Variants in IQCH observed in about 807,000 individuals in gnomAD.
IQCH encodes IQ motif containing H, also known as IQ domain-containing protein H.
A neutral mutation model predicts 117.0 loss-of-function variants in IQCH; 98 were observed. The ratio of observed to expected loss-of-function variants is 0.84; its 90% CI spans 0.71 to 0.99. IQCH has a LOEUF of 0.99. Ranked by LOEUF, IQCH falls within the 50% of genes least tolerant of loss-of-function variation. IQCH has a pLI of 0.00. For synonymous variants in IQCH, 412 were observed against 448.2 expected (o/e 0.92, Z 1.02); for missense variants, 1,102 against 1,243.8 (o/e 0.89, Z 1.72).
At position 67,295,378 on chromosome 15, in the gene IQCH, G is replaced by A. The variant is rs187780492; in HGVS notation, c.387+15866G>A. Among the ~76,000 whole-genome samples the A allele has an allele frequency of 2.1e-3, 325 of 152,306 alleles. 1 individual carries two copies. The highest frequency in any genetic ancestry group is 7.5e-3 in the African/African-American group (310 of 41,576). Reference sequence around the variant, plus strand: ...ATGGCCAAGTACTGGCTAATGAAATGTAAGGGGGAGTATTATGAGTAGCTT... The same window carrying A: ...ATGGCCAAGTACTGGCTAATGAAATATAAGGGGGAGTATTATGAGTAGCTT... On this transcript the variant is annotated intron_variant, in intron 4 of 20. Coordinates refer to ENST00000335894, the MANE Select transcript of IQCH (RefSeq NM_001031715.3).
intron 4 of IQCH, among the ~76,000 whole-genome samples, chr15:67,294,439 G>A (rs564910330): frequency 6.6e-6 from 1 of 152,194 alleles, no homozygotes; most frequent in Admixed American, 6.6e-5. Flanking sequence ...ATATTTCCAC[G>A]TGTCCCAGTT....
chr15:67,273,207 A>T (rs1596074475), intron 3 of IQCH, among the ~76,000 whole-genome samples: 1 of 152,024 alleles, frequency 6.6e-6, no homozygotes, highest in African/African-American at 2.4e-5. Context: ...AGTGGCTGGG[A>T]TTACAGGCGC....
At chr15:67,444,765 G>A (rs1178882015) in intron 16 of IQCH, among the ~76,000 whole-genome samples, 2 of 152,202 alleles carry the variant, frequency 1.3e-5, no homozygotes, top group African/African-American at 4.8e-5. Flanking sequence ...GAGGAATGGT[G>A]TCTTATGTTA....
intron 16 of IQCH, among the ~76,000 whole-genome samples, chr15:67,461,454 C>G (rs2082791868): frequency 6.6e-6 from 1 of 152,238 alleles, no homozygotes; most frequent in Non-Finnish European, 1.5e-5. Flanking sequence ...GACTTGGCAG[C>G]ATCCCCTAAA....
In IQCH at chr15:67,474,758, A is replaced by C. The variant is rs1368883894; in HGVS notation, c.2677-938A>C. On this transcript the variant is annotated intron_variant, in intron 17 of 20. Transcript: ENST00000335894. This position sits in a 1 kb window ranked among gnomAD's most constrained non-coding sequence, Gnocchi z 4.1. ...ATGGGAAGAGTGGGAAAATATCTTTACAGCAGAGAAATCTGTAAAGTTTTT... is the reference window on the plus strand; with the variant it reads ...ATGGGAAGAGTGGGAAAATATCTTTCCAGCAGAGAAATCTGTAAAGTTTTT... Among the ~76,000 whole-genome samples, 3 of 152,220 alleles carry C rather than the reference A, an allele frequency of 2.0e-5. No individual in the cohort carries two copies. The highest frequency in any genetic ancestry group is 4.4e-5 in the Non-Finnish European group (3 of 68,044).
chr15:67,372,424 T>C lies in IQCH; in HGVS notation c.1067T>C (p.Ile356Thr). 1 of 1,614,096 alleles carries C rather than the reference T, an allele frequency of 6.2e-7. No homozygotes were observed. The change falls in exon 9 of 21, where the codon ATA becomes ACA. Residue 356 changes from isoleucine (I) to threonine (T), a missense_variant. Transcript: ENST00000335894. ...GACCCAGCTCATGTCCAAATGCTGATAAATCTTCCAGGGCAAAGGTACAAG... is the reference window on the plus strand; with the variant it reads ...GACCCAGCTCATGTCCAAATGCTGACAAATCTTCCAGGGCAAAGGTACAAG... ...LEDPAHVQML[I>T]NLPGQRYKGQ...
At chr15:67,429,176 G>C (rs1407042736) in intron 16 of IQCH, among the ~76,000 whole-genome samples, 2 of 152,200 alleles carry the variant, frequency 1.3e-5, no homozygotes, top group Non-Finnish European at 2.9e-5. Context: ...TACTAATATA[G>C]AGGGTGGTTG....
rs1444426944 is a variant in IQCH at position 67,364,383 on chromosome 15, A to G, written c.753+4498A>G. Among the ~76,000 whole-genome samples the G allele has an allele frequency of 6.6e-6, 1 of 152,164 alleles. No homozygotes were observed. Among genetic ancestry groups the G allele is most frequent in the African/African-American group, 2.4e-5 (1 of 41,436 alleles). ...GCGTTTTCATCATTAAACTTTCCAA[A>G]TGAATTGAAATTATATAGTTTTATT... On this transcript the variant is annotated intron_variant, in intron 8 of 20. Coordinates refer to ENST00000335894, the MANE Select transcript of IQCH (RefSeq NM_001031715.3). The surrounding 1 kb of genome is among the most constrained non-coding windows in gnomAD (Gnocchi z 4.1).
rs1475733460 is a variant in IQCH, at chr15:67,433,701, C to G, written c.2505+12124C>G. ...ATCTGGACACTCACACTGCACCCTG[C>G]TGTCTCCAGCAGGTACTACATTTCT... is the stretch of plus-strand genomic sequence containing the variant. On this transcript the variant is annotated intron_variant, in intron 16 of 20. Transcript: ENST00000335894. This position sits in a 1 kb window ranked among gnomAD's most constrained non-coding sequence, Gnocchi z 5.4. 6.6e-6 allele frequency among the ~76,000 whole-genome samples: 1 copy of G among 152,200 alleles called. No individual in the cohort carries two copies. The highest frequency in any genetic ancestry group is 1.5e-5 in the Non-Finnish European group (1 of 68,034).
At chr15:67,360,103 A>T in intron 8 of IQCH, 1 of 487,022 alleles carries the variant, frequency 2.1e-6, no homozygotes, top group Non-Finnish European at 3.6e-6. Flanking sequence ...TTTGGGACTG[A>T]ATTACTTCTC....
rs898826670 is a variant in IQCH at position 67,359,714 on chromosome 15, C to T, written c.715-133C>T. ...CTTTCTAATTATTAGCTCCTGCCTG[C>T]GTGGAAAGAGAGAACAGGCTGGCCC... On this transcript the variant is annotated intron_variant, in intron 7 of 20. Transcript: ENST00000335894. The surrounding 1 kb of genome is among the most constrained non-coding windows in gnomAD (Gnocchi z 4.5). The T allele has an allele frequency of 3.0e-5, 23 of 770,796 alleles. No individual in the cohort carries two copies. Among genetic ancestry groups the T allele is most frequent in the African/African-American group, 1.8e-4 (10 of 57,066 alleles). The allele number at this position is 770,796 out of a possible 1,614,324, so 47.7% of individuals were successfully genotyped here.
intron 6 of IQCH, among the ~76,000 whole-genome samples, chr15:67,355,819 AT>A (rs1342836574): frequency 1.3e-5 from 2 of 152,196 alleles, no homozygotes; most frequent in Non-Finnish European, 2.9e-5. Flanking sequence ...TGAAATAATA[AT>A]TTAGTGATAG....
intron 5 of IQCH, among the ~76,000 whole-genome samples, chr15:67,339,536 A>G (rs1424565723): frequency 6.6e-6 from 1 of 152,210 alleles, no homozygotes; most frequent in Non-Finnish European, 1.5e-5. Context: ...TATTTGCATT[A>G]TGATCAGTTA....
chr15:67,377,127 A>AAAAGAAC (rs1970765486), intron 10 of IQCH, among the ~76,000 whole-genome samples: 2 of 150,718 alleles, frequency 1.3e-5, no homozygotes, highest in African/African-American at 4.9e-5. Flanking sequence ...AAAAAAAAAA[A>AAAAGAAC]AAAAGAAAAA....
In IQCH at chr15:67,390,900, C is replaced by T. The variant is rs1020958446; in HGVS notation, c.1632+1894C>T. Among the ~76,000 whole-genome samples, 2 of 152,194 alleles carry T rather than the reference C, an allele frequency of 1.3e-5. No homozygotes were observed. Among genetic ancestry groups the T allele is most frequent in the African/African-American group, 4.8e-5 (2 of 41,446 alleles). On this transcript the variant is annotated intron_variant, in intron 12 of 20. Coordinates refer to ENST00000335894, the MANE Select transcript of IQCH (RefSeq NM_001031715.3). The surrounding 1 kb of genome is among the most constrained non-coding windows in gnomAD (Gnocchi z 5.0). ...AGACTCATTTTCTAGTCCAAGGTTA[C>T]TAGTAAGGCCAGAGTGTGAACCAAA...
chr15:67,322,967 A>G (rs142977731), intron 4 of IQCH, among the ~76,000 whole-genome samples: 3 of 152,330 alleles, frequency 2.0e-5, no homozygotes, highest in African/African-American at 4.8e-5. Flanking sequence ...AGGAAAGGGT[A>G]GGTGTATGTA....
rs947385525 is a variant in IQCH, at chr15:67,385,685, C to T, written c.1456+666C>T. 2.0e-5 allele frequency among the ~76,000 whole-genome samples: 3 copies of T among 152,082 alleles called. No homozygotes were observed. Among genetic ancestry groups the T allele is most frequent in the African/African-American group, 7.2e-5 (3 of 41,406 alleles). ...TAGCTTTGGTTGACACTGTTCAAGG[C>T]CCGGGTTCCGATTAGGCTCTAAGAA... On this transcript the variant is annotated intron_variant, in intron 11 of 20. Coordinates refer to ENST00000335894, the MANE Select transcript of IQCH (RefSeq NM_001031715.3). This position sits in a 1 kb window ranked among gnomAD's most constrained non-coding sequence, Gnocchi z 4.6.
intron 16 of IQCH, among the ~76,000 whole-genome samples, chr15:67,441,238 G>A (rs1220267480): frequency 2.7e-5 from 4 of 148,608 alleles, no homozygotes; most frequent in East Asian, 4.0e-4. Context: ...AATCACAGAC[G>A]ACACAAACAA....
At chr15:67,367,315 C>T (rs543982319) in intron 8 of IQCH, among the ~76,000 whole-genome samples, 79 of 152,180 alleles carry the variant, frequency 5.2e-4, no homozygotes, top group African/African-American at 1.8e-3. Flanking sequence ...GTGGGTGGAT[C>T]GCTTGAGGCC....
Sources: gnomAD v4.1 joint callset for allele counts (sites outside exome capture counted in the v4.1 genomes callset) on GRCh38, gnomAD v4.1.1 for gene constraint, Gnocchi (gnomAD v3.1) non-coding constraint, MANE v1.5 for transcripts, NCBI Gene and HGNC (gene_info 2026-07-23, HGNC 2026-07-21) for gene names.